The following HCRTR2 variants were observed in gnomAD, a reference collection of about 807,000 sequenced individuals.
The protein encoded by HCRTR2 is hypocretin receptor 2.
A neutral mutation model predicts 49.0 loss-of-function variants in HCRTR2; 22 were observed. The ratio of observed to expected loss-of-function variants is 0.45; its 90% confidence interval spans 0.32 to 0.64. The LOEUF is 0.64. Ranked by LOEUF, HCRTR2 falls within the 30% of genes least tolerant of loss-of-function variation. HCRTR2 has a pLI of 0.04. For missense variants in HCRTR2, 491 were observed against 559.4 expected (o/e 0.88, Z 1.23); for synonymous variants, 236 against 205.3 (o/e 1.15, Z -1.28).
chr6:55,245,467 TTTTATATA>T (rs1461003503), intron 1 of HCRTR2, among the ~76,000 whole-genome samples: 16,100 of 101,274 alleles, frequency 0.16, 1,366 homozygotes, highest in East Asian at 0.19. Flanking sequence ...CATAGGAAGA[TTTTATATA>T]TATATATATA....
chr6:55,172,166 T>G (rs1764960219), upstream of HCRTR2, among the ~76,000 whole-genome samples: 1 of 152,234 alleles, frequency 6.6e-6, no homozygotes, highest in African/African-American at 2.4e-5. Flanking sequence ...CATTAGAATT[T>G]AAGGTCTGTT....
At chr6:55,192,505 C>G (rs1417289795) in intron 1 of HCRTR2, among the ~76,000 whole-genome samples, 1 of 152,022 alleles carries the variant, frequency 6.6e-6, no homozygotes. Flanking sequence ...GGGAAAATCA[C>G]CTGAGCCCAG....
intron 1 of HCRTR2, among the ~76,000 whole-genome samples, chr6:55,207,264 T>C (rs1291672925): frequency 1.3e-5 from 2 of 152,156 alleles, no homozygotes; most frequent in Non-Finnish European, 2.9e-5. Context: ...TGAGTGTATG[T>C]CTAGCTTGTG....
chr6:55,173,752 A>T (rs1764985428), upstream of HCRTR2, among the ~76,000 whole-genome samples: 1 of 152,194 alleles, frequency 6.6e-6, no homozygotes, highest in Non-Finnish European at 1.5e-5. Context: ...ATTTCACATG[A>T]CACTTAACTA....
At chr6:55,195,976 AAAC>A (rs145517354) in intron 1 of HCRTR2, among the ~76,000 whole-genome samples, 16 of 152,180 alleles carry the variant, frequency 1.1e-4, no homozygotes, top group South Asian at 2.1e-4. Context: ...CGTCTCAATA[AAAC>A]AACAACAACA....
rs140025469 is a variant in HCRTR2, at chr6:55,129,740, T to C, written c.-378+23195T>C. ...CCAGTCTTGTTTGTTCTTAAATGCA[T>C]CCTCTAGGCTCTTTTTACTTTGTCC... On this transcript the variant is annotated intron_variant, in intron 1 of 7. Coordinates refer to the HCRTR2 transcript ENST00000615358. Among the ~76,000 whole-genome samples the C allele has an allele frequency of 1.7e-3, 254 of 152,138 alleles. 1 individual carries two copies. The highest frequency in any genetic ancestry group is 5.7e-3 in the African/African-American group (235 of 41,548).
At chr6:55,192,903 G>A (rs1765344610) in intron 1 of HCRTR2, among the ~76,000 whole-genome samples, 1 of 152,132 alleles carries the variant, frequency 6.6e-6, no homozygotes. Context: ...AAAATGTACT[G>A]GAGGTCTTTT....
rs756893338 is a variant in HCRTR2 at position 55,255,348 on chromosome 6, C to G, written c.615C>G (p.Thr205=). 6 of 1,613,982 alleles carry G rather than the reference C, an allele frequency of 3.7e-6. No individual in the cohort carries two copies. In the East Asian group the frequency reaches 1.3e-4, roughly 36 times the overall value. Residue 205 remains threonine, a synonymous_variant, in exon 3 of 7, where the codon ACC becomes ACG. Coordinates refer to ENST00000370862, the MANE Select transcript of HCRTR2 (RefSeq NM_001384272.1). ...TCCCAGGCTTAGCCAATAAAACCAC[C>G]CTCTTTACGGTGTGTGATGAGCGCT... The part of the protein sequence containing the change: ...TVFPGLANKT[T]LFTVCDERWG...
chr6:55,116,670 T>C (rs1764120761), intron 1 of HCRTR2, among the ~76,000 whole-genome samples: 1 of 144,382 alleles, frequency 6.9e-6, no homozygotes. Flanking sequence ...CAAATGATTG[T>C]ATCAAAAATA....
rs75418893 is a variant in HCRTR2, at chr6:55,271,727, T to C, written c.763-5653T>C. Among the ~76,000 whole-genome samples, 922 of 152,194 alleles carry C rather than the reference T, an allele frequency of 6.1e-3. 8 individuals are homozygous for C. The highest frequency in any genetic ancestry group is 0.021 in the African/African-American group (869 of 41,558). ...GTAGGCAAAGACTTGAATAAACAAT[T>C]CTGCAAAGAAGATATACAAATGGTC... is the stretch of plus-strand genomic sequence containing the variant. On this transcript the variant is annotated intron_variant, in intron 4 of 6. Coordinates refer to ENST00000370862, the MANE Select transcript of HCRTR2 (RefSeq NM_001384272.1).
intron 1 of HCRTR2, among the ~76,000 whole-genome samples, chr6:55,232,179 A>G (rs1766128103): frequency 6.6e-6 from 1 of 152,148 alleles, no homozygotes; most frequent in South Asian, 2.1e-4. Context: ...ATGTGAGACT[A>G]TTTACATTAA....
At chr6:55,219,351 T>C (rs1430530127) in intron 1 of HCRTR2, among the ~76,000 whole-genome samples, 1 of 152,222 alleles carries the variant, frequency 6.6e-6, no homozygotes, top group Admixed American at 6.5e-5. Flanking sequence ...AAATATCTTT[T>C]CTGAACACAG....
intron 1 of HCRTR2, among the ~76,000 whole-genome samples, chr6:55,201,635 G>A (rs970497304): frequency 2.0e-5 from 3 of 152,094 alleles, no homozygotes; most frequent in Non-Finnish European, 4.4e-5. Flanking sequence ...TTTACTAGTG[G>A]TGGAAAAGGT....
chr6:55,245,504 T>TATATATATATA (rs1562020390), intron 1 of HCRTR2, among the ~76,000 whole-genome samples: 8 of 106,766 alleles, frequency 7.5e-5, no homozygotes, highest in African/African-American at 2.7e-4. Context: ...TATATATATA[T>TATATATATATA]ATCTTCCCCA....
chr6:55,280,909 C>G (rs1767177805), intron 6 of HCRTR2, among the ~76,000 whole-genome samples: 1 of 152,100 alleles, frequency 6.6e-6, no homozygotes, highest in South Asian at 2.1e-4. Context: ...ATATTTCCCA[C>G]TGACTACCAA....
At chr6:55,148,394 A>G (rs1437610580) in intron 1 of HCRTR2, among the ~76,000 whole-genome samples, 1 of 152,130 alleles carries the variant, frequency 6.6e-6, no homozygotes, top group African/African-American at 2.4e-5. Context: ...CACATTATTC[A>G]TCTAAAATTC....
intron 1 of HCRTR2, among the ~76,000 whole-genome samples, chr6:55,246,922 TAA>T (rs932920525): frequency 9.9e-5 from 15 of 152,100 alleles, no homozygotes; most frequent in African/African-American, 3.6e-4. Flanking sequence ...TATAATGCAT[TAA>T]GTCTTCCCAC....
chr6:55,156,673 T>A (rs1017558220), intron 1 of HCRTR2, among the ~76,000 whole-genome samples: 2 of 151,920 alleles, frequency 1.3e-5, no homozygotes, highest in Non-Finnish European at 2.9e-5. Context: ...GCAAATCGAA[T>A]CCAGCAGTAT....
intron 1 of HCRTR2, among the ~76,000 whole-genome samples, chr6:55,238,751 G>C (rs189470086): frequency 9.4e-4 from 142 of 151,830 alleles, no homozygotes; most frequent in Admixed American, 2.1e-3. Flanking sequence ...GAGACATAAA[G>C]TTGTGAGAGT....
Sources: gnomAD v4.1 joint callset for allele counts (sites outside exome capture counted in the v4.1 genomes callset) on GRCh38, gnomAD v4.1.1 for gene constraint, MANE v1.5 for transcripts, NCBI Gene and HGNC (gene_info 2026-07-23, HGNC 2026-07-21) for gene names.